The following OTUD6B variants were observed in gnomAD, a reference collection of about 807,000 sequenced individuals.
OTUD6B encodes the protein OTU deubiquitinase 6B, also known as deubiquitinase OTUD6B.
In OTUD6B, 41 loss-of-function variants were observed where a neutral mutation model predicts 36.9. The ratio of observed to expected loss-of-function variants is 1.11; its 90% CI spans 0.87 to 1.44. The LOEUF (loss-of-function observed/expected upper bound fraction) is 1.44. Ranked by LOEUF, OTUD6B falls within the 40% of genes most tolerant of loss-of-function variation. The pLI is 0.00. For missense variants in OTUD6B, 356 were observed against 344.8 expected (o/e 1.03, Z -0.26); for synonymous variants, 114 against 114.2 (o/e 1.00, Z 0.01).
intron 1 of OTUD6B, among the ~76,000 whole-genome samples, 190 bp downstream of exon 1, chr8:91,070,656 C>T (rs1445514991): frequency 1.3e-5 from 2 of 152,044 alleles, no homozygotes; most frequent in Non-Finnish European, 2.9e-5. Flanking sequence ...GAGGCTTCCC[C>T]TTCTGAGGCC....
At chr8:91,080,559 A>G (rs1183491209) in intron 4 of OTUD6B, 110 bp from the exon 5 acceptor site, 6 of 1,475,420 alleles carry the variant, frequency 4.1e-6, no homozygotes, top group Admixed American at 2.7e-5. Context: ...GAGAAGGAGA[A>G]TGTTCATAAC....
intron 5 of OTUD6B, among the ~76,000 whole-genome samples, chr8:91,081,828 A>T (rs2130442882): frequency 6.6e-6 from 1 of 152,252 alleles, no homozygotes; most frequent in African/African-American, 2.4e-5. Context: ...ACCAGAGGGA[A>T]CTGTATCCAT....
Position 91,085,552 on chromosome 8 carries a change from GT to G in OTUD6B, c.*690del, listed in dbSNP as rs1381659067. 2 of 151,948 alleles carry G rather than the reference GT, an allele frequency of 1.3e-5. No homozygotes were observed. Among genetic ancestry groups the G allele is most frequent in the African/African-American group, 4.8e-5 (2 of 41,410 alleles). The allele number at this position is 151,948 out of a possible 1,614,324, so 9.4% of individuals were successfully genotyped here. On this transcript the variant is annotated 3_prime_UTR_variant, in exon 7 of 7. Coordinates refer to ENST00000404789, the MANE Select transcript of OTUD6B (RefSeq NM_016023.5). Reference sequence around the variant, plus strand: ...TAAATCTCTAAAGAATTAGAGATTAGTTTTTTATTTGTGTATAATTTAAAAA... The same window carrying G: ...TAAATCTCTAAAGAATTAGAGATTAGTTTTTATTTGTGTATAATTTAAAAA...
At position 91,086,593 on chromosome 8, in the gene OTUD6B, C is replaced by A. The variant is rs1813019835; in HGVS notation, c.*1725C>A. 1 of 152,002 alleles carries A rather than the reference C, an allele frequency of 6.6e-6. No homozygotes were observed. The highest frequency in any genetic ancestry group is 1.5e-5 in the Non-Finnish European group (1 of 67,960). 9.4% of individuals were successfully genotyped at this position (152,002 alleles called of 1,614,324 possible). A position where few individuals can be genotyped will look rare whatever the true frequency, so the allele number is the denominator to read the frequency against. Reference sequence around the variant, plus strand: ...TGAAACCCAGTATTATAAATGTTATCTACATCTAAAGTATTTTAAAATAAC... The same window carrying A: ...TGAAACCCAGTATTATAAATGTTATATACATCTAAAGTATTTTAAAATAAC... On this transcript the variant is annotated 3_prime_UTR_variant, in exon 7 of 7. Transcript: ENST00000404789.
Position 91,078,341 on chromosome 8 carries a change from T to C in OTUD6B, c.316-15T>C. The C allele has an allele frequency of 6.5e-7, 1 of 1,537,224 alleles. No homozygotes were observed. On this transcript the variant is annotated splice_polypyrimidine_tract_variant and intron_variant, in intron 3 of 6. Coordinates refer to ENST00000404789, the MANE Select transcript of OTUD6B (RefSeq NM_016023.5). Reference sequence around the variant, plus strand: ...ATTATTATGAATTAACTTTCATGCATTCTGCTTTTCTTAGGAAAAGAAAGC... The same window carrying C: ...ATTATTATGAATTAACTTTCATGCACTCTGCTTTTCTTAGGAAAAGAAAGC...
intron 3 of OTUD6B, among the ~76,000 whole-genome samples, chr8:91,077,140 A>G (rs1812817036): frequency 6.6e-6 from 1 of 152,058 alleles, no homozygotes. Context: ...TATATAACTT[A>G]GTTTTTATTC....
chr8:91,080,560 T>A, intron 4 of OTUD6B, 109 bp from the exon 5 acceptor site: 1 of 1,475,694 alleles, frequency 6.8e-7, no homozygotes, highest in South Asian at 1.3e-5. Context: ...AGAAGGAGAA[T>A]GTTCATAACT....
intron 3 of OTUD6B, 136 bp downstream of exon 3, chr8:91,074,047 CATTT>C (rs1402170278): frequency 5.6e-6 from 3 of 532,278 alleles, no homozygotes; most frequent in South Asian, 2.6e-5. Flanking sequence ...CTTGAACTAA[CATTT>C]ATTAAGCACC....
chr8:91,086,904 T>G lies in OTUD6B; in HGVS notation c.*2036T>G, dbSNP rs1008412816. On this transcript the variant is annotated 3_prime_UTR_variant, in exon 7 of 7. Transcript: ENST00000404789. ...AATGGAAGTTACATATGCTTTCTTT[T>G]GTCCTAACTCTGAAAAGTATATGTC... 29 of 152,136 alleles carry G rather than the reference T, an allele frequency of 1.9e-4. No individual in the cohort carries two copies. Among genetic ancestry groups the G allele is most frequent in the Non-Finnish European group, 3.7e-4 (25 of 67,966 alleles). 9.4% of individuals were successfully genotyped at this position (152,136 alleles called of 1,614,324 possible).
chr8:91,087,031 A>T lies in OTUD6B; in HGVS notation c.*2163A>T, dbSNP rs1035668832. ...ATGTGTGTAACTATAGTGAACGCATAGTTTTGCTTATATTATGTGATGTTT... is the reference window on the plus strand; with the variant it reads ...ATGTGTGTAACTATAGTGAACGCATTGTTTTGCTTATATTATGTGATGTTT... On this transcript the variant is annotated 3_prime_UTR_variant, in exon 7 of 7. Transcript: ENST00000404789. 13 of 151,610 alleles carry T rather than the reference A, an allele frequency of 8.6e-5. No individual in the cohort carries two copies. The highest frequency in any genetic ancestry group is 3.2e-4 in the African/African-American group (13 of 41,156). The allele number at this position is 151,610 out of a possible 1,614,324, so 9.4% of individuals were successfully genotyped here.
chr8:91,075,096 A>G (rs1413561141), intron 3 of OTUD6B, among the ~76,000 whole-genome samples: 1 of 152,116 alleles, frequency 6.6e-6, no homozygotes, highest in Non-Finnish European at 1.5e-5. Context: ...TAAGTAGTGC[A>G]TACTATGCCT....
intron 5 of OTUD6B, among the ~76,000 whole-genome samples, chr8:91,082,159 C>T (rs1175961396): frequency 1.3e-5 from 2 of 152,058 alleles, no homozygotes; most frequent in Non-Finnish European, 2.9e-5. Flanking sequence ...ATCCTCTATT[C>T]TATGCTAGTT....
intron 5 of OTUD6B, among the ~76,000 whole-genome samples, chr8:91,081,741 A>C (rs372801083): frequency 9.9e-5 from 15 of 152,248 alleles, no homozygotes; most frequent in East Asian, 9.6e-4. Context: ...TCACTTTAAG[A>C]ACTGCTTCAT....
At chr8:91,071,885 T>A (rs1384750064) in intron 2 of OTUD6B, among the ~76,000 whole-genome samples, 1 of 152,222 alleles carries the variant, frequency 6.6e-6, no homozygotes, top group East Asian at 1.9e-4. Flanking sequence ...GAATTGCGAC[T>A]GAATGGGATT....
Position 91,078,395 on chromosome 8 carries a change from A to C in OTUD6B, c.355A>C (p.Ile119Leu). The change falls in exon 4 of 7, where the codon ATA (isoleucine) becomes CTA (leucine). Residue 119 changes from isoleucine (I) to leucine (L), a missense_variant. By Grantham distance (5) the Ile-to-Leu change is conservative. Transcript: ENST00000404789. ...AALEKEREER[I>L]AEAEIENLTG... ...ATTGGAAAAGGAGCGAGAAGAACGGATAGCTGAAGCTGAAATTGAAAACTT... is the reference window on the plus strand; with the variant it reads ...ATTGGAAAAGGAGCGAGAAGAACGGCTAGCTGAAGCTGAAATTGAAAACTT... 6.3e-7 allele frequency: 1 copy of C among 1,592,686 alleles called. No homozygotes were observed. Among genetic ancestry groups the C allele is most frequent in the Non-Finnish European group, 8.6e-7 (1 of 1,168,562 alleles).
rs2130451554 is a variant in OTUD6B at position 91,086,655 on chromosome 8, T to A, written c.*1787T>A. On this transcript the variant is annotated 3_prime_UTR_variant, in exon 7 of 7. Coordinates refer to ENST00000404789, the MANE Select transcript of OTUD6B (RefSeq NM_016023.5). ...TTTATTCTTTTTTTCCTTACAAGAT[T>A]TAGAATCTTTTTGGTTATATGTCTA... 6.6e-6 allele frequency: 1 copy of A among 152,216 alleles called. No individual in the cohort carries two copies. The highest frequency in any genetic ancestry group is 1.5e-5 in the Non-Finnish European group (1 of 67,958). The allele number at this position is 152,216 out of a possible 1,614,324, so 9.4% of individuals were successfully genotyped here. A position where few individuals can be genotyped will look rare whatever the true frequency, so the allele number is the denominator to read the frequency against.
intron 4 of OTUD6B, among the ~76,000 whole-genome samples, chr8:91,079,395 A>T (rs1341813003): frequency 1.3e-5 from 2 of 151,998 alleles, no homozygotes; most frequent in African/African-American, 2.4e-5. Context: ...CCTTTAGTGG[A>T]GTCTGTCCTC....
chr8:91,084,093 C>CA lies in OTUD6B; in HGVS notation c.783dup (p.Pro262ThrfsTer18). On this transcript the variant is annotated frameshift_variant, in exon 6 of 7. Transcript: ENST00000404789. LOFTEE classifies it high-confidence loss of function. ...CCCATTATAGTTGGTGAAGAATATT[C>CA]AAAAAAACCACTAATACTTGTGTAA... The CA allele has an allele frequency of 6.5e-7, 1 of 1,546,182 alleles. No individual in the cohort carries two copies. Among genetic ancestry groups the CA allele is most frequent in the Admixed American group, 1.9e-5 (1 of 51,630 alleles).
At chr8:91,083,301 AT>A (rs1812943473) in intron 5 of OTUD6B, among the ~76,000 whole-genome samples, 1 of 152,092 alleles carries the variant, frequency 6.6e-6, no homozygotes. Context: ...ATTGTAATTT[AT>A]TTGGTCCGGT....
Sources: gnomAD v4.1 joint callset for allele counts (sites outside exome capture counted in the v4.1 genomes callset) on GRCh38, gnomAD v4.1.1 for gene constraint, MANE v1.5 for transcripts, NCBI Gene and HGNC (gene_info 2026-07-23, HGNC 2026-07-21) for gene names.